The following CROCC variants were observed in gnomAD, a reference collection of about 807,000 sequenced individuals.
CROCC encodes ciliary rootlet coiled-coil, rootletin, also known as rootletin.
CROCC carries 180 observed loss-of-function variants against 245.2 expected under a neutral mutation model. The observed-to-expected ratio is 0.73, with a 90% CI of 0.65 to 0.83. The LOEUF (loss-of-function observed/expected upper bound fraction) is 0.83, where lower values mean the gene tolerates loss of function less well. Among genes scored for constraint, CROCC ranks in the 40% least tolerant of loss-of-function variants. CROCC has a pLI of 0.00. For missense variants in CROCC, 2,688 were observed against 2,779.4 expected (o/e 0.97, Z 0.74); for synonymous variants, 1,205 against 1,241.6 (o/e 0.97, Z 0.62).
At chr1:16,926,603 C>T (rs2075539609) in intron 3 of CROCC, among the ~76,000 whole-genome samples, 1 of 152,270 alleles carries the variant, frequency 6.6e-6, no homozygotes, top group African/African-American at 2.4e-5. Context: ...TGCAGGGAAA[C>T]TGAGGCACTC....
At chr1:16,923,334 TTGTC>T (rs2075452000) in intron 2 of CROCC, among the ~76,000 whole-genome samples, 1 of 152,246 alleles carries the variant, frequency 6.6e-6, no homozygotes, top group Non-Finnish European at 1.5e-5. Context: ...GCTCTAACCA[TTGTC>T]TGTGTTCAAC....
At chr1:16,914,420 G>T (rs2075282530) in intron 1 of CROCC, among the ~76,000 whole-genome samples, 1 of 152,266 alleles carries the variant, frequency 6.6e-6, no homozygotes, top group African/African-American at 2.4e-5. Flanking sequence ...GCCGGCCGGG[G>T]TCCCCTCGCT....
chr1:16,950,332 G>A (rs1410891672), intron 19 of CROCC, among the ~76,000 whole-genome samples: 1 of 149,868 alleles, frequency 6.7e-6, no homozygotes, highest in African/African-American at 2.5e-5. Flanking sequence ...CCAGAGTGCT[G>A]GATTACAGGC....
At chr1:16,924,754 A>G (rs1385255714) in intron 3 of CROCC, among the ~76,000 whole-genome samples, 1 of 152,284 alleles carries the variant, frequency 6.6e-6, no homozygotes, top group Non-Finnish European at 1.5e-5. Context: ...TTTTGTTCCC[A>G]TCTGTCCCAG....
chr1:16,926,150 G>A (rs1484719027), intron 3 of CROCC, among the ~76,000 whole-genome samples: 4 of 152,378 alleles, frequency 2.6e-5, no homozygotes, highest in East Asian at 1.9e-4. Flanking sequence ...CAAATGGCAC[G>A]CAGAGGGCGC....
Position 16,952,965 on chromosome 1 carries a change from A to C in CROCC, c.3007-337A>C, listed in dbSNP as rs187729115. 4.3e-4 allele frequency: 103 copies of C among 242,330 alleles called. 3 individuals are homozygous for C. The East Asian group carries it at 8.5e-3, about 20-fold the overall frequency. 15.0% of individuals were successfully genotyped at this position (242,330 alleles called of 1,614,324 possible). ...TGGGGCTCTGGCCCTGTGACTCACC[A>C]TGTCCCGTTCCCCTCTGCACCCTGC... On this transcript the variant is annotated intron_variant, in intron 20 of 36. Transcript: ENST00000375541.
intron 1 of CROCC, among the ~76,000 whole-genome samples, chr1:16,914,766 TCA>T (rs748898855): frequency 5.4e-4 from 83 of 152,382 alleles, no homozygotes; most frequent in Non-Finnish European, 8.8e-4. Flanking sequence ...CTCCTGATTT[TCA>T]CACAGACTTA....
intron 27 of CROCC, among the ~76,000 whole-genome samples, chr1:16,962,010 A>G (rs540206533): frequency 6.6e-6 from 1 of 152,266 alleles, no homozygotes; most frequent in East Asian, 1.9e-4. Flanking sequence ...TTAGGATACC[A>G]AATACAGCTA....
At position 16,971,497 on chromosome 1, in the gene CROCC, C is replaced by T; in HGVS notation, c.5817C>T (p.Ser1939=). 1 of 1,536,954 alleles carries T rather than the reference C, an allele frequency of 6.5e-7. No individual in the cohort carries two copies. Among genetic ancestry groups the T allele is most frequent in the Non-Finnish European group, 8.7e-7 (1 of 1,146,418 alleles). The change falls in exon 36 of 37, where the codon AGC becomes AGT. Residue 1939 remains serine, a synonymous_variant. Coordinates refer to ENST00000375541, the MANE Select transcript of CROCC (RefSeq NM_014675.5). ...AQVVVLEQSH[S]PAQLEVDAQQ... is the part of the protein sequence containing the mutation. The stretch of plus-strand genomic sequence containing the variant: ...TGGTGGTGCTGGAGCAGAGCCACAG[C>T]CCGGCCCAGCTGGAGGTGGATGCGC...
In CROCC at chr1:16,970,440, G is replaced by C; in HGVS notation, c.5639G>C (p.Arg1880Thr). 1.3e-6 allele frequency: 2 copies of C among 1,589,732 alleles called. No homozygotes were observed. Among genetic ancestry groups the C allele is most frequent in the South Asian group, 1.1e-5 (1 of 88,710 alleles). The change falls in exon 34 of 37, where the codon AGG becomes ACG. Residue 1880 changes from arginine to threonine, a missense_variant. Physicochemically the swap from Arg to Thr is moderately conservative, Grantham distance 71. Transcript: ENST00000375541. ...GAGAAGGACCGTGTAGCCCTCAGGA[G>C]GACGCTGGACAAGGTAGGCTGCTCC... Reference protein sequence around the residue: ...RLEKDRVALRRTLDKVEREKL... With the variant: ...RLEKDRVALRTTLDKVEREKL...
chr1:16,914,461 G>C (rs2075282726), intron 1 of CROCC, among the ~76,000 whole-genome samples: 1 of 152,270 alleles, frequency 6.6e-6, no homozygotes, highest in African/African-American at 2.4e-5. Context: ...CCCTCGCGAC[G>C]GCCTCTGCCC....
At chr1:16,948,266 G>A in intron 17 of CROCC, 65 bp from the exon 18 acceptor site, 8 of 1,470,136 alleles carry the variant, frequency 5.4e-6, no homozygotes, top group Non-Finnish European at 7.2e-6. Context: ...CCAGAGTTGG[G>A]GTGCTGCACG....
intron 9 of CROCC, 38 bp downstream of exon 9, chr1:16,936,911 C>T (rs12737510): frequency 6.4e-7 from 1 of 1,570,510 alleles, no homozygotes; most frequent in Non-Finnish European, 8.7e-7. Context: ...GCAGGCGTCC[C>T]TGCAGAAGGT....
At chr1:16,948,607 C>T (rs12081151) in intron 18 of CROCC, 83 bp downstream of exon 18, 5 of 1,473,312 alleles carry the variant, frequency 3.4e-6, no homozygotes, top group African/African-American at 1.4e-5. Context: ...GGCACGGGCC[C>T]CCAGGGGCAG....
At chr1:16,934,561 C>T (rs549840854) in intron 8 of CROCC, among the ~76,000 whole-genome samples, 13 of 152,344 alleles carry the variant, frequency 8.5e-5, no homozygotes, top group African/African-American at 2.4e-4. Flanking sequence ...CCTTGGCCTC[C>T]GAAAGTGCTG....
At chr1:16,947,209 G>A (rs546648519) in intron 17 of CROCC, among the ~76,000 whole-genome samples, 4 of 152,286 alleles carry the variant, frequency 2.6e-5, no homozygotes, top group African/African-American at 4.8e-5. Context: ...AGGCGCAGTG[G>A]CTCACGCCTA....
chr1:16,919,284 C>T (rs2075355675), upstream of CROCC, among the ~76,000 whole-genome samples: 1 of 152,292 alleles, frequency 6.6e-6, no homozygotes, highest in Non-Finnish European at 1.5e-5. Context: ...TGGGAGGCTG[C>T]TGGTCTAAGT....
Position 16,930,017 on chromosome 1 carries a change from C to G in CROCC, c.523C>G (p.Arg175Gly), listed in dbSNP as rs201015613. 5 of 1,576,196 alleles carry G rather than the reference C, an allele frequency of 3.2e-6. No individual in the cohort carries two copies. The highest frequency in any genetic ancestry group is 1.2e-5 in the South Asian group (1 of 86,398). ...GQQRQAQLVQ[R>G]LQGKILQYKK... ...GCAGCGGCAGGCCCAGCTTGTGCAG[C>G]GGCTGCAGGGCAAGGTCAGGACCAC... Residue 175 changes from arginine to glycine, a missense_variant, in exon 4 of 37, where the codon CGG (arginine) becomes GGG (glycine). Transcript: ENST00000375541.
intron 12 of CROCC, among the ~76,000 whole-genome samples, 195 bp from the exon 13 acceptor site, chr1:16,939,699 A>C: frequency 6.6e-6 from 1 of 152,210 alleles, no homozygotes; most frequent in Non-Finnish European, 1.5e-5. Flanking sequence ...GTGAGGGCTC[A>C]GAGGGTGGCG....
Sources: allele counts gnomAD v4.1 joint callset (sites outside exome capture counted in the v4.1 genomes callset), GRCh38; gene constraint gnomAD v4.1.1; transcripts MANE v1.5; gene names NCBI Gene and HGNC (gene_info 2026-07-23, HGNC 2026-07-21).